Variants in ARFGEF3 observed in about 807,000 individuals in gnomAD.
ARFGEF3 encodes the protein ARFGEF family member 3.
A neutral mutation model predicts 221.7 loss-of-function variants in ARFGEF3; 96 were observed. That is an observed-to-expected ratio of 0.43 (90% CI 0.37 to 0.51). ARFGEF3 has a LOEUF of 0.51. Among genes scored for constraint, ARFGEF3 ranks in the 20% least tolerant of loss-of-function variants. The pLI, the probability that ARFGEF3 is intolerant of heterozygous loss-of-function variation, is 0.00. For synonymous variants in ARFGEF3, 1,145 were observed against 1,126.8 expected (o/e 1.02, Z -0.32); for missense variants, 2,410 against 2,789.9 (o/e 0.86, Z 3.07).
chr6:138,191,168 C>T (rs1777297267), intron 2 of ARFGEF3, among the ~76,000 whole-genome samples: 1 of 152,044 alleles, frequency 6.6e-6, no homozygotes, highest in African/African-American at 2.4e-5. Context: ...TCCTCTTGAG[C>T]AAGTTTTTTC....
At position 138,294,958 on chromosome 6, in the gene ARFGEF3, A is replaced by G. The variant is rs184144592; in HGVS notation, c.3502+832A>G. Among the ~76,000 whole-genome samples, 16 of 152,306 alleles carry G rather than the reference A, an allele frequency of 1.1e-4. 1 individual carries two copies. Among genetic ancestry groups the G allele is most frequent in the Admixed American group, 1.0e-3 (16 of 15,298 alleles). ...TATTTGATTTTTTCACCCTTGCTGC[A>G]GATTTAGATTTGAGAACCACAGTTG... On this transcript the variant is annotated intron_variant, in intron 20 of 33. Transcript: ENST00000251691.
chr6:138,325,008 T>C (rs1369171932), intron 31 of ARFGEF3, among the ~76,000 whole-genome samples: 3 of 152,222 alleles, frequency 2.0e-5, no homozygotes, highest in African/African-American at 2.4e-5. Flanking sequence ...CAATAACCAT[T>C]GACTGGCTAA....
At chr6:138,329,772 C>T (rs1780190873) in intron 32 of ARFGEF3, among the ~76,000 whole-genome samples, 1 of 152,222 alleles carries the variant, frequency 6.6e-6, no homozygotes, top group South Asian at 2.1e-4. Flanking sequence ...TGTCCCCCCA[C>T]ATTGATGTGG....
intron 32 of ARFGEF3, among the ~76,000 whole-genome samples, chr6:138,331,127 A>G (rs1780219558): frequency 6.6e-6 from 1 of 152,262 alleles, no homozygotes; most frequent in African/African-American, 2.4e-5. Context: ...TAAATAAAAC[A>G]TAGAACAGCC....
At chr6:138,313,649 T>A (rs769763338) in intron 25 of ARFGEF3, 146 bp from the exon 26 acceptor site, 19 of 697,700 alleles carry the variant, frequency 2.7e-5, no homozygotes, top group Non-Finnish European at 4.5e-5. Flanking sequence ...GCTACCCTTA[T>A]AAATCCAAAT....
chr6:138,185,865 C>T lies in ARFGEF3; in HGVS notation c.137+15152C>T, dbSNP rs192638418. Among the ~76,000 whole-genome samples the T allele has an allele frequency of 4.0e-3, 610 of 152,240 alleles. 2 individuals carry two copies. The highest frequency in any genetic ancestry group is 5.4e-3 in the Non-Finnish European group (364 of 68,028). On this transcript the variant is annotated intron_variant, in intron 2 of 33. Transcript: ENST00000251691. ...CAGTAATGAGAGTTACCAATTATGG[C>T]GTATTGTTCTATGCCAGGAATTATA...
In ARFGEF3 at chr6:138,280,150, T is replaced by A; in HGVS notation, c.2447T>A (p.Ile816Asn). ...CCAGAAGATAACAGCCTTCCCCTCATCACAATGCTGACCGGTCAGTGGTTC... is the reference window on the plus strand; with the variant it reads ...CCAGAAGATAACAGCCTTCCCCTCAACACAATGCTGACCGGTCAGTGGTTC... ...GSPEDNSLPL[I>N]TMLTDIDGLE... The change falls in exon 14 of 34, where the codon ATC becomes AAC. Residue 816 changes from isoleucine to asparagine, a missense_variant. Ile to Asn is a moderately radical substitution (Grantham distance 149, BLOSUM62 -3). Coordinates refer to ENST00000251691, the MANE Select transcript of ARFGEF3 (RefSeq NM_020340.5). The A allele has an allele frequency of 6.2e-7, 1 of 1,613,672 alleles. No homozygotes were observed.
At chr6:138,227,857 G>T (rs1043662077) in intron 4 of ARFGEF3, among the ~76,000 whole-genome samples, 23 of 152,216 alleles carry the variant, frequency 1.5e-4, no homozygotes, top group Admixed American at 1.4e-3. Context: ...GGGAATGTCT[G>T]TCTGAGGGGG....
Position 138,333,988 on chromosome 6 carries a change from T to G in ARFGEF3, c.5142T>G (p.Ile1714Met), listed in dbSNP as rs965124637. 2 of 1,606,498 alleles carry G rather than the reference T, an allele frequency of 1.2e-6. No homozygotes were observed. The highest frequency in any genetic ancestry group is 1.3e-5 in the African/African-American group (1 of 74,672). Residue 1714 changes from isoleucine (I) to methionine (M), a missense_variant, in exon 33 of 34, where the codon ATT becomes ATG. Physicochemically the swap from Ile to Met is conservative, Grantham distance 10 (BLOSUM62 1). Around this residue, in one of 5 missense-constraint regions of ARFGEF3, gnomAD observed 723 missense variants for 991.9 expected, o/e 0.73. Transcript: ENST00000251691. ...HTKKSVSFRE[I>M]VVSLLSHQVL... ...CTTGAAGCGTGTCTTTCAGGGAAAT[T>G]GTGGTGAGCCTGCTGTCTCATCAGG...
chr6:138,163,857 G>A (rs994911938), intron 1 of ARFGEF3, among the ~76,000 whole-genome samples: 1 of 152,212 alleles, frequency 6.6e-6, no homozygotes, highest in Non-Finnish European at 1.5e-5. Context: ...TCATTGTGCA[G>A]TTGGATTGGG....
chr6:138,313,809 C>A lies in ARFGEF3; in HGVS notation c.4215C>A (p.Ile1405=). ...LRRCSQLLAK[I]YKMPLKPIFL... ...TTTTAATTTAGTTATTGGCCAAAAT[C>A]TACAAAATGCCCTTGAAGCCAATAT... The change falls in exon 26 of 34, where the codon ATC becomes ATA. Residue 1405 remains isoleucine (I), a synonymous_variant. Coordinates refer to ENST00000251691, the MANE Select transcript of ARFGEF3 (RefSeq NM_020340.5). 6.2e-7 allele frequency: 1 copy of A among 1,613,714 alleles called. No individual in the cohort carries two copies. The highest frequency in any genetic ancestry group is 8.5e-7 in the Non-Finnish European group (1 of 1,179,748).
In ARFGEF3 at chr6:138,339,704, T is replaced by C. The variant is rs893764052; in HGVS notation, c.*3218T>C. 2.0e-5 allele frequency: 3 copies of C among 152,196 alleles called. No individual in the cohort carries two copies. The highest frequency in any genetic ancestry group is 7.2e-5 in the African/African-American group (3 of 41,446). The allele number at this position is 152,196 out of a possible 1,614,324, so 9.4% of individuals were successfully genotyped here. A position where few individuals can be genotyped will look rare whatever the true frequency, so the allele number is the denominator to read the frequency against. ...TTAATGAGGACATCGGTTTTCACAA[T>C]TGAACCTCATGCACTGTCCACAGCA... On this transcript the variant is annotated 3_prime_UTR_variant, in exon 34 of 34. Coordinates refer to ENST00000251691, the MANE Select transcript of ARFGEF3 (RefSeq NM_020340.5).
chr6:138,227,310 G>GGT (rs1778103431), intron 4 of ARFGEF3, among the ~76,000 whole-genome samples: 1 of 152,114 alleles, frequency 6.6e-6, no homozygotes, highest in Non-Finnish European at 1.5e-5. Flanking sequence ...CCCTTACGAA[G>GGT]ACCTCACCAT....
chr6:138,218,569 C>T (rs1324463979), intron 4 of ARFGEF3: 31 of 1,133,522 alleles, frequency 2.7e-5, no homozygotes, highest in Middle Eastern at 3.0e-4. Context: ...TTCCATCCTA[C>T]GAGGTAGAGT....
chr6:138,261,513 CCTTTTT>C lies in ARFGEF3; in HGVS notation c.1105-9_1105-4del, dbSNP rs747881000. The stretch of plus-strand genomic sequence containing the variant: ...TATTCACTTTTCTGTTACTCTTTTA[CCTTTTT>C]CTTTAAGATACTTGGGAGCCCACAG... On this transcript the variant is annotated splice_polypyrimidine_tract_variant and splice_region_variant and intron_variant, in intron 10 of 33. Transcript: ENST00000251691. The C allele has an allele frequency of 6.7e-6, 10 of 1,499,684 alleles. No individual in the cohort carries two copies. The highest frequency in any genetic ancestry group is 9.0e-6 in the Non-Finnish European group (10 of 1,111,984). The allele number at this position is 1,499,684 out of a possible 1,614,324, so 92.9% of individuals were successfully genotyped here.
intron 2 of ARFGEF3, among the ~76,000 whole-genome samples, chr6:138,205,148 G>A (rs1034117751): frequency 2.6e-5 from 4 of 152,214 alleles, no homozygotes; most frequent in Non-Finnish European, 5.9e-5. Flanking sequence ...ACACATTGAG[G>A]ATTTCCAAAA....
chr6:138,328,041 G>A lies in ARFGEF3; in HGVS notation c.5022G>A (p.Gln1674=), dbSNP rs775675112. The A allele has an allele frequency of 5.1e-6, 8 of 1,553,978 alleles. No individual in the cohort carries two copies. Among genetic ancestry groups the A allele is most frequent in the Non-Finnish European group, 6.1e-6 (7 of 1,148,062 alleles). Residue 1674 remains glutamine (Q), a synonymous_variant, in exon 32 of 34, where the codon CAG becomes CAA. Coordinates refer to ENST00000251691, the MANE Select transcript of ARFGEF3 (RefSeq NM_020340.5). ...MAQQVFMLDT[Q]CSPKTPNNFD... ...TACAGGTGTTTATGCTGGACACCCA[G>A]TGCTCACCAAAGACACCAAACAACT... is the stretch of plus-strand genomic sequence containing the variant.
intron 2 of ARFGEF3, among the ~76,000 whole-genome samples, chr6:138,199,517 G>A (rs1242846180): frequency 6.6e-6 from 1 of 152,198 alleles, no homozygotes; most frequent in Non-Finnish European, 1.5e-5. Flanking sequence ...AGCATGGGAT[G>A]TGTTTCCATT....
intron 4 of ARFGEF3, among the ~76,000 whole-genome samples, chr6:138,213,652 A>G (rs1197886547): frequency 1.4e-5 from 2 of 147,186 alleles, no homozygotes; most frequent in African/African-American, 2.4e-5. Flanking sequence ...GGAAGTAGAG[A>G]GTAAGATAAT....
Sources: allele counts gnomAD v4.1 joint callset (sites outside exome capture counted in the v4.1 genomes callset), GRCh38; gene constraint gnomAD v4.1.1; regional missense constraint gnomAD v4.1.1; transcripts MANE v1.5; gene names NCBI Gene and HGNC (gene_info 2026-07-23, HGNC 2026-07-21).